The following PTPRQ variants were observed in gnomAD, a reference collection of about 807,000 sequenced individuals.
The protein encoded by PTPRQ is protein tyrosine phosphatase receptor type Q, also known as phosphatidylinositol phosphatase PTPRQ.
PTPRQ carries 199 observed loss-of-function variants against 246.0 expected under a neutral mutation model. The observed-to-expected ratio is 0.81, with a 90% confidence interval of 0.72 to 0.91. The LOEUF (loss-of-function observed/expected upper bound fraction) is 0.91, where lower values mean the gene tolerates loss of function less well. Among genes scored for constraint, PTPRQ ranks in the 40% least tolerant of loss-of-function variants. The probability of loss-of-function intolerance (pLI) is 0.00; values close to 1 mark genes in which losing one functional copy is unlikely to be tolerated. For missense variants in PTPRQ, 2,624 were observed against 2,528.4 expected, an observed-to-expected ratio of 1.04 and a Z score of -0.81; for synonymous variants, 869 against 853.2, an observed-to-expected ratio of 1.02 and a Z score of -0.32.
At chr12:80,472,749 A>AT (rs1893681086) in intron 8 of PTPRQ, among the ~76,000 whole-genome samples, 1 of 152,130 alleles carries the variant, frequency 6.6e-6, no homozygotes, top group South Asian at 2.1e-4. Flanking sequence ...TGAAAACATT[A>AT]TTTTTCCTCA....
At chr12:80,493,213 C>T (rs1009810473) in intron 9 of PTPRQ, 62 bp from the exon 10 acceptor site, 72 of 1,351,852 alleles carry the variant, frequency 5.3e-5, no homozygotes, top group Middle Eastern at 2.4e-4. Context: ...AGAACTAATA[C>T]TTGATTTAAG....
At chr12:80,678,465 A>G in intron 43 of PTPRQ, 137 bp from the exon 44 acceptor site, 1 of 1,114,960 alleles carries the variant, frequency 9.0e-7, no homozygotes, top group Non-Finnish European at 1.2e-6. Flanking sequence ...TCATATCTAT[A>G]CTATGATAAA....
At position 80,541,777 on chromosome 12, in the gene PTPRQ, CT is replaced by C; in HGVS notation, c.3378del (p.Pro1127HisfsTer29). The C allele has an allele frequency of 5.8e-6, 9 of 1,550,960 alleles. No homozygotes were observed. The highest frequency in any genetic ancestry group is 7.8e-6 in the Non-Finnish European group (9 of 1,146,550). Reference protein sequence around the residue: ...EKYTDYILKITPSTEKGFSDT... With the variant: ...EKYTDYILKIXPSTEKGFSDT... ...TACACTGATTATATATTAAAAATTA[CT>C]CCATCAACAGAAAAGGGATTCTCTG... On this transcript the variant is annotated frameshift_variant, in exon 21 of 45. Transcript: ENST00000644991. LOFTEE classifies it high-confidence loss of function.
At position 80,467,904 on chromosome 12, in the gene PTPRQ, GC is replaced by G. The variant is rs535654369; in HGVS notation, c.911-805del. ...TATAGCTTTAGGAGTTATACCTAATGCTAAATGACGAGTTAATGGGTGCAGC... is the reference window on the plus strand; with the variant it reads ...TATAGCTTTAGGAGTTATACCTAATGTAAATGACGAGTTAATGGGTGCAGC... On this transcript the variant is annotated intron_variant, in intron 6 of 44. Coordinates refer to ENST00000644991, the MANE Select transcript of PTPRQ (RefSeq NM_001145026.2). 3.4e-3 allele frequency among the ~76,000 whole-genome samples: 518 copies of G among 152,250 alleles called. 5 individuals carry two copies. Among genetic ancestry groups the G allele is most frequent in the African/African-American group, 0.012 (508 of 41,554 alleles).
intron 36 of PTPRQ, among the ~76,000 whole-genome samples, 165 bp downstream of exon 36, chr12:80,649,088 A>C (rs1900171282): frequency 6.6e-6 from 1 of 152,148 alleles, no homozygotes; most frequent in Non-Finnish European, 1.5e-5. Context: ...AACTGGAGAA[A>C]TGCTTTCTCT....
rs182230226 is a variant in PTPRQ at position 80,605,138 on chromosome 12, T to C, written c.4689T>C (p.Ala1563=). ...FSISISWSEP[A]VITGPTCYLI... ...TCAGCATAAGCTGGAGTGAACCTGCTGTCATTACTGGACCAACATGTTATC... is the reference window on the plus strand; with the variant it reads ...TCAGCATAAGCTGGAGTGAACCTGCCGTCATTACTGGACCAACATGTTATC... Residue 1563 remains alanine (A), a synonymous_variant, in exon 27 of 45, where the codon GCT becomes GCC. Transcript: ENST00000644991. 17,353 of 1,545,800 alleles carry C rather than the reference T, an allele frequency of 0.011. 133 individuals carry two copies. Among genetic ancestry groups the C allele is most frequent in the Non-Finnish European group, 0.013 (15,413 of 1,143,354 alleles).
rs1565775277 is a variant in PTPRQ, at chr12:80,542,116, C to T, written c.3473C>T (p.Thr1158Ile). The T allele has an allele frequency of 6.5e-7, 1 of 1,549,372 alleles. No individual in the cohort carries two copies. The highest frequency in any genetic ancestry group is 8.7e-7 in the Non-Finnish European group (1 of 1,146,322). Residue 1158 changes from threonine (T) to isoleucine (I), a missense_variant, in exon 22 of 45, where the codon ACT (threonine) becomes ATT (isoleucine). Transcript: ENST00000644991. ...DVPETSPIIN[T>I]FKNLSSTSVL... ...CCAGAAACTTCACCAATAATCAACA[C>T]TTTTAAAAACCTTTCCTCTACCTCA... is the stretch of plus-strand genomic sequence containing the variant.
At chr12:80,616,445 G>A (rs1440575476) in intron 30 of PTPRQ, among the ~76,000 whole-genome samples, 179 bp downstream of exon 30, 1 of 150,782 alleles carries the variant, frequency 6.6e-6, no homozygotes, top group Non-Finnish European at 1.5e-5. Context: ...AAATGATGAT[G>A]TGAATTACCA....
In PTPRQ at chr12:80,483,692, G is replaced by A. The variant is rs185699317; in HGVS notation, c.1187-741G>A. ...GGTGGTTTACTGCACCCATCAAAGT[G>A]TCATCTACATTAGGTACTTCTCCTA... On this transcript the variant is annotated intron_variant, in intron 8 of 44. Coordinates refer to ENST00000644991, the MANE Select transcript of PTPRQ (RefSeq NM_001145026.2). Among the ~76,000 whole-genome samples the A allele has an allele frequency of 8.5e-4, 128 of 150,564 alleles. 3 individuals are homozygous for A. The highest frequency in any genetic ancestry group is 3.1e-3 in the African/African-American group (123 of 40,296).
At chr12:80,629,433 A>C (rs1164799234) in intron 33 of PTPRQ, among the ~76,000 whole-genome samples, 2 of 152,298 alleles carry the variant, frequency 1.3e-5, no homozygotes, top group African/African-American at 4.8e-5. Flanking sequence ...GGCTACCCAG[A>C]AAGATATACA....
At chr12:80,455,149 G>T (rs1203825077) in intron 3 of PTPRQ, among the ~76,000 whole-genome samples, 1 of 152,024 alleles carries the variant, frequency 6.6e-6, no homozygotes, top group Non-Finnish European at 1.5e-5. Context: ...CTCCAGCCTG[G>T]ACAACAAGAA....
At chr12:80,481,479 C>G (rs948426533) in intron 8 of PTPRQ, among the ~76,000 whole-genome samples, 1 of 152,120 alleles carries the variant, frequency 6.6e-6, no homozygotes, top group African/African-American at 2.4e-5. Context: ...CAGGGATGCC[C>G]CCTCTCACCA....
chr12:80,469,606 A>T (rs1454587123), intron 7 of PTPRQ, among the ~76,000 whole-genome samples: 1 of 152,148 alleles, frequency 6.6e-6, no homozygotes, highest in Non-Finnish European at 1.5e-5. Context: ...CAGAGTTCCA[A>T]CTCATTTTAT....
At chr12:80,483,450 G>A (rs1297503691) in intron 8 of PTPRQ, among the ~76,000 whole-genome samples, 2 of 149,314 alleles carry the variant, frequency 1.3e-5, no homozygotes, top group Non-Finnish European at 3.0e-5. Context: ...TGGGTGCAGC[G>A]CACCAGCGTG....
intron 6 of PTPRQ, among the ~76,000 whole-genome samples, chr12:80,463,288 G>T (rs986399394): frequency 6.6e-6 from 1 of 152,146 alleles, no homozygotes; most frequent in Non-Finnish European, 1.5e-5. Context: ...TGAAATGAAT[G>T]AAATGAAGCA....
chr12:80,634,314 T>C (rs934087362), intron 34 of PTPRQ, among the ~76,000 whole-genome samples: 1 of 152,160 alleles, frequency 6.6e-6, no homozygotes, highest in Admixed American at 6.6e-5. Context: ...TATACCATAC[T>C]GTGTCATGGA....
chr12:80,624,315 C>T (rs951213943), intron 33 of PTPRQ, among the ~76,000 whole-genome samples: 5 of 152,174 alleles, frequency 3.3e-5, no homozygotes, highest in Non-Finnish European at 5.9e-5. Context: ...GATCAAATTA[C>T]TCAGAGTTCA....
At chr12:80,667,510 C>T (rs968722095) in intron 39 of PTPRQ, among the ~76,000 whole-genome samples, 5 of 151,860 alleles carry the variant, frequency 3.3e-5, no homozygotes, top group African/African-American at 1.2e-4. Context: ...AATTTGCATA[C>T]ATAATATACA....
chr12:80,484,665 G>C (rs1480930554), intron 9 of PTPRQ, 60 bp downstream of exon 9: 2 of 1,518,030 alleles, frequency 1.3e-6, no homozygotes, highest in African/African-American at 2.8e-5. Flanking sequence ...GGCTCTGATA[G>C]CTTGGAAGAT....
Sources: allele counts gnomAD v4.1 joint callset (sites outside exome capture counted in the v4.1 genomes callset), GRCh38; gene constraint gnomAD v4.1.1; transcripts MANE v1.5; gene names NCBI Gene and HGNC (gene_info 2026-07-23, HGNC 2026-07-21).